The following BMPR1B variants were observed in gnomAD, a reference collection of about 807,000 sequenced individuals.
BMPR1B encodes bone morphogenetic protein receptor type 1B.
BMPR1B carries 12 observed loss-of-function variants against 59.1 expected under a neutral mutation model. The observed-to-expected ratio is 0.20, with a 90% CI of 0.13 to 0.33. The LOEUF (loss-of-function observed/expected upper bound fraction) is 0.33. BMPR1B is among the 10% of genes least tolerant of loss of function. The pLI is 1.00. For synonymous variants in BMPR1B, 237 were observed against 207.3 expected (o/e 1.14, Z -1.23); for missense variants, 550 against 610.9 (o/e 0.90, Z 1.05).
At chr4:94,806,320 G>C (rs965625539) in intron 1 of BMPR1B, among the ~76,000 whole-genome samples, 1 of 152,188 alleles carries the variant, frequency 6.6e-6, no homozygotes, top group Non-Finnish European at 1.5e-5. Flanking sequence ...GGAGTTTGAA[G>C]AGAATTATAT....
At chr4:94,818,554 A>C (rs1724093357) in intron 1 of BMPR1B, among the ~76,000 whole-genome samples, 1 of 152,242 alleles carries the variant, frequency 6.6e-6, no homozygotes, top group South Asian at 2.1e-4. Context: ...AGATTAAAGC[A>C]GTGACCAGAA....
At chr4:94,892,361 A>G (rs945987894) in intron 2 of BMPR1B, among the ~76,000 whole-genome samples, 7 of 152,098 alleles carry the variant, frequency 4.6e-5, no homozygotes, top group South Asian at 2.1e-4. Context: ...CGTGATTTAT[A>G]TACGTGTTAA....
chr4:94,801,762 T>C (rs1320491388), intron 1 of BMPR1B, among the ~76,000 whole-genome samples: 3 of 152,284 alleles, frequency 2.0e-5, no homozygotes, highest in Non-Finnish European at 2.9e-5. Flanking sequence ...TATAAAAAAG[T>C]AAGACAAACA....
At chr4:95,115,650 G>C (rs750458657) in intron 5 of BMPR1B, 35 bp from the exon 6 acceptor site, 44 of 1,553,584 alleles carry the variant, frequency 2.8e-5, no homozygotes, top group Non-Finnish European at 3.6e-5. Context: ...AAATTTGGAA[G>C]AAACTCACTA....
At position 95,156,986 on chromosome 4, in the gene BMPR1B, AGATAAAATTAT is replaced by A. The variant is rs1442255587; in HGVS notation, c.*2315_*2325del. 6.6e-6 allele frequency: 1 copy of A among 152,128 alleles called. No homozygotes were observed. The highest frequency in any genetic ancestry group is 2.4e-5 in the African/African-American group (1 of 41,438). The allele number at this position is 152,128 out of a possible 1,614,324, so 9.4% of individuals were successfully genotyped here. A position where few individuals can be genotyped will look rare whatever the true frequency, so the allele number is the denominator to read the frequency against. ...TTAAGTGAGGTTGGGCTTACCTTGTAGATAAAATTATGTTTTCTTTTTGGTAAATACTTGAA... is the reference window on the plus strand; with the variant it reads ...TTAAGTGAGGTTGGGCTTACCTTGTAGTTTTCTTTTTGGTAAATACTTGAA... On this transcript the variant is annotated 3_prime_UTR_variant, in exon 13 of 13. Coordinates refer to ENST00000515059, the MANE Select transcript of BMPR1B (RefSeq NM_001203.3).
At chr4:94,897,317 T>C (rs1578775241) in intron 2 of BMPR1B, among the ~76,000 whole-genome samples, 1 of 152,204 alleles carries the variant, frequency 6.6e-6, no homozygotes, top group East Asian at 1.9e-4. Flanking sequence ...GATAGTGTTA[T>C]CTATTCCCGC....
At chr4:95,130,745 T>C (rs1232851781) in intron 9 of BMPR1B, among the ~76,000 whole-genome samples, 1 of 145,368 alleles carries the variant, frequency 6.9e-6, no homozygotes, top group Non-Finnish European at 1.5e-5. Context: ...TTTTTTTTTT[T>C]TTTGAGATAA....
At chr4:95,041,877 C>T (rs1438731371) in intron 3 of BMPR1B, among the ~76,000 whole-genome samples, 4 of 150,998 alleles carry the variant, frequency 2.6e-5, no homozygotes, top group South Asian at 2.1e-4. Flanking sequence ...TTTTTTGAGA[C>T]GGAGTCTTGC....
intron 2 of BMPR1B, among the ~76,000 whole-genome samples, chr4:94,906,743 A>AT (rs988125545): frequency 1.8e-4 from 28 of 152,190 alleles, no homozygotes; most frequent in African/African-American, 6.5e-4. Flanking sequence ...AGACAATCAT[A>AT]TATTTAGGGT....
At chr4:95,128,901 C>A (rs2149297802) in intron 8 of BMPR1B, among the ~76,000 whole-genome samples, 1 of 152,154 alleles carries the variant, frequency 6.6e-6, no homozygotes, top group Middle Eastern at 3.4e-3. Context: ...GTGACTGTTT[C>A]TTTGTTCTAA....
At chr4:95,125,685 C>A (rs1732856240) in intron 8 of BMPR1B, among the ~76,000 whole-genome samples, 1 of 152,136 alleles carries the variant, frequency 6.6e-6, no homozygotes, top group Non-Finnish European at 1.5e-5. Context: ...AGTAAAATCC[C>A]TTTTGGTATT....
intron 1 of BMPR1B, among the ~76,000 whole-genome samples, chr4:94,844,423 G>A (rs897178015): frequency 6.6e-6 from 1 of 152,164 alleles, no homozygotes; most frequent in Admixed American, 6.5e-5. Context: ...TAGGATTAGA[G>A]CCAGTTGCCT....
At chr4:94,998,868 C>G (rs1319016489) in intron 3 of BMPR1B, among the ~76,000 whole-genome samples, 1 of 152,184 alleles carries the variant, frequency 6.6e-6, no homozygotes, top group Non-Finnish European at 1.5e-5. Context: ...GTCTGTATCT[C>G]TCTTGCCCAT....
At chr4:95,095,032 G>GTA (rs1273346651) in intron 3 of BMPR1B, among the ~76,000 whole-genome samples, 10 of 151,318 alleles carry the variant, frequency 6.6e-5, no homozygotes, top group South Asian at 2.1e-4. Flanking sequence ...ATTATTTAGT[G>GTA]TATATATATA....
At chr4:94,796,878 G>A (rs1042734193) in intron 1 of BMPR1B, among the ~76,000 whole-genome samples, 1 of 152,126 alleles carries the variant, frequency 6.6e-6, no homozygotes, top group Non-Finnish European at 1.5e-5. Context: ...ATTATAGTCA[G>A]GTATAATAGA....
intron 3 of BMPR1B, among the ~76,000 whole-genome samples, chr4:95,020,930 G>A (rs1723938399): frequency 6.6e-6 from 1 of 152,090 alleles, no homozygotes; most frequent in Admixed American, 6.6e-5. Flanking sequence ...TGCCCAGGCT[G>A]ATCTCAAACT....
chr4:95,102,797 G>A (rs763683887), intron 3 of BMPR1B, among the ~76,000 whole-genome samples: 2 of 152,050 alleles, frequency 1.3e-5, no homozygotes, highest in Non-Finnish European at 1.5e-5. Flanking sequence ...TACATGTATT[G>A]GGAGTAATTG....
intron 1 of BMPR1B, among the ~76,000 whole-genome samples, chr4:94,778,774 G>C (rs148585641): frequency 4.8e-4 from 73 of 152,224 alleles, no homozygotes; most frequent in South Asian, 8.3e-4. Context: ...TGTTAATGAT[G>C]ATGAGCCATA....
At chr4:95,068,615 G>A (rs533700320) in intron 3 of BMPR1B, among the ~76,000 whole-genome samples, 12 of 152,326 alleles carry the variant, frequency 7.9e-5, no homozygotes, top group African/African-American at 2.4e-4. Context: ...GACCTTACCA[G>A]TGGGGGATAG....
Sources: allele counts gnomAD v4.1 joint callset (sites outside exome capture counted in the v4.1 genomes callset), GRCh38; gene constraint gnomAD v4.1.1; transcripts MANE v1.5; gene names NCBI Gene and HGNC (gene_info 2026-07-23, HGNC 2026-07-21).